SRPX: variants seen among roughly 807,000 people sequenced by gnomAD.
The protein encoded by SRPX is sushi repeat containing protein X-linked.
SRPX carries 24 observed loss-of-function variants against 38.1 expected under a neutral mutation model. That is an observed-to-expected ratio of 0.63 (90% CI 0.46 to 0.89). SRPX has a LOEUF of 0.89. Among genes scored for constraint, SRPX ranks in the 40% least tolerant of loss-of-function variants. The pLI is 0.00. For synonymous variants in SRPX, 184 were observed against 153.8 expected (o/e 1.20, Z -1.45); for missense variants, 416 against 377.8 (o/e 1.10, Z -0.84).
At chrX:38,193,824 A>T (rs1455616096) in intron 1 of SRPX, among the ~76,000 whole-genome samples, 1 of 112,315 alleles carries the variant, frequency 8.9e-6, no homozygotes, top group Non-Finnish European at 1.9e-5. Context: ...AAAGTCAAGC[A>T]ATTAGGATCC....
At chrX:38,201,000 G>A (rs757337158) in intron 1 of SRPX, among the ~76,000 whole-genome samples, 3 of 111,596 alleles carry the variant, frequency 2.7e-5, no homozygotes, top group Non-Finnish European at 3.8e-5. Context: ...TTTACTTAAA[G>A]GAACAAATGT....
chrX:38,206,262 A>C (rs893057056), intron 1 of SRPX, among the ~76,000 whole-genome samples: 4 of 112,318 alleles, frequency 3.6e-5, no homozygotes, highest in African/African-American at 6.5e-5. Flanking sequence ...AGTGTCAGAC[A>C]CAGACACATG....
chrX:38,186,863 A>T (rs1432897996), intron 1 of SRPX, among the ~76,000 whole-genome samples: 6 of 111,872 alleles, frequency 5.4e-5, no homozygotes, highest in African/African-American at 2.0e-4. Flanking sequence ...TATGTTTCTA[A>T]GAACCCTGTG....
intron 2 of SRPX, among the ~76,000 whole-genome samples, chrX:38,177,822 G>A (rs906809435): frequency 5.4e-5 from 6 of 111,817 alleles, no homozygotes; most frequent in African/African-American, 9.8e-5. Context: ...TTAACATACC[G>A]TTTCAGAAGC....
rs777506032 is a variant in SRPX, at chrX:38,171,932, C to T, written c.475G>A (p.Val159Ile). ...PGYTLKGERTVTCMDNKAWSG... is the reference protein window; with the variant it reads ...PGYTLKGERTITCMDNKAWSG... The stretch of plus-strand genomic sequence containing the variant: ...CAGGCCTTGTTGTCCATACATGTGA[C>T]GGTCCGCTCCCCTTTCAACGTGTAT... Residue 159 changes from valine to isoleucine, a missense_variant, in exon 4 of 10, where the codon GTC (valine) becomes ATC (isoleucine). Coordinates refer to ENST00000378533, the MANE Select transcript of SRPX (RefSeq NM_006307.5). 38 of 1,209,792 alleles carry T rather than the reference C, an allele frequency of 3.1e-5. No homozygotes were observed. The Middle Eastern group carries it at 6.9e-4, about 22-fold the overall frequency.
chrX:38,161,773 C>A (rs1221014026), intron 5 of SRPX, among the ~76,000 whole-genome samples: 1 of 111,687 alleles, frequency 9.0e-6, no homozygotes, highest in South Asian at 3.8e-4. Flanking sequence ...AAAGAACTTG[C>A]CCAAGGTCAC....
rs1939171202 is a variant in SRPX at position 38,204,230 on chromosome X, C to T, written c.97+16466G>A. 3.6e-5 allele frequency among the ~76,000 whole-genome samples: 4 copies of T among 111,819 alleles called. No individual in the cohort carries two copies. The Admixed American group carries it at 3.8e-4, about 11-fold the overall frequency. ...ACTAGCAAGGTTTTGCAGATATAAA[C>T]AAACTGATCCTAAAATTTATATGAA... On this transcript the variant is annotated intron_variant, in intron 1 of 9. Transcript: ENST00000378533.
At chrX:38,217,216 G>A (rs947321469) in intron 1 of SRPX, among the ~76,000 whole-genome samples, 1 of 112,810 alleles carries the variant, frequency 8.9e-6, no homozygotes, top group Non-Finnish European at 1.9e-5. Context: ...AAATCTACAA[G>A]AAGAAGAGTG....
chrX:38,160,821 C>T, intron 6 of SRPX, 112 bp downstream of exon 6: 1 of 951,041 alleles, frequency 1.1e-6, no homozygotes, highest in Admixed American at 2.8e-5. Context: ...TAATCTAAAG[C>T]TGGCAAGTCT....
At chrX:38,199,201 T>G (rs1436070262) in intron 1 of SRPX, among the ~76,000 whole-genome samples, 3 of 111,166 alleles carry the variant, frequency 2.7e-5, no homozygotes, top group Admixed American at 9.5e-5. Flanking sequence ...GGTCAGGAGA[T>G]CGAGACCATC....
chrX:38,167,375 G>A lies in SRPX; in HGVS notation c.527-2480C>T, dbSNP rs979475055. On this transcript the variant is annotated intron_variant, in intron 4 of 9. Transcript: ENST00000378533. ...CATGAACCCTTGAAGAGCCTCTGCA[G>A]GACTTGATCCTGACACATCCTCAAG... Among the ~76,000 whole-genome samples, 11 of 111,215 alleles carry A rather than the reference G, an allele frequency of 9.9e-5. No individual in the cohort carries two copies. The Admixed American group carries it at 1.1e-3, about 11-fold the overall frequency.
intron 7 of SRPX, 79 bp from the exon 8 acceptor site, chrX:38,157,108 C>A: frequency 3.6e-6 from 4 of 1,098,965 alleles, no homozygotes; most frequent in Non-Finnish European, 4.9e-6. Flanking sequence ...ACACACAGAA[C>A]CATTTGTGTA....
chrX:38,199,338 G>A (rs1392095277), intron 1 of SRPX, among the ~76,000 whole-genome samples: 3 of 111,454 alleles, frequency 2.7e-5, no homozygotes, highest in Non-Finnish European at 5.7e-5. Context: ...CCCGGGAGGC[G>A]GAGCTTGCAG....
At position 38,164,831 on chromosome X, in the gene SRPX, C is replaced by T. The variant is rs1361478468; in HGVS notation, c.591G>A (p.Leu197=). ...GTGTCTCCCAGGACACCCGGACTGT[C>T]AGTTTGTTGGGTTCTGCAATGCGTT... ...VKERIAEPNK[L]TVRVSWETPE... The change falls in exon 5 of 10, where the codon CTG becomes CTA. Residue 197 remains leucine, a synonymous_variant. Coordinates refer to ENST00000378533, the MANE Select transcript of SRPX (RefSeq NM_006307.5). The T allele has an allele frequency of 1.6e-5, 19 of 1,208,716 alleles. No individual in the cohort carries two copies. Among genetic ancestry groups the T allele is most frequent in the Non-Finnish European group, 2.0e-5 (18 of 894,367 alleles).
chrX:38,175,543 G>C (rs1362202122), intron 2 of SRPX, among the ~76,000 whole-genome samples: 1 of 109,856 alleles, frequency 9.1e-6, no homozygotes, highest in East Asian at 2.8e-4. Context: ...TTAGAAACAG[G>C]GTCTCACTCT....
chrX:38,181,315 T>C (rs1938668188), intron 1 of SRPX, among the ~76,000 whole-genome samples: 1 of 112,399 alleles, frequency 8.9e-6, no homozygotes, highest in African/African-American at 3.2e-5. Context: ...AGGAGGGCTT[T>C]CACATGGGTA....
At chrX:38,153,302 C>CTTTTTTTTTTT (rs58888978) in intron 9 of SRPX, among the ~76,000 whole-genome samples, 22 of 54,734 alleles carry the variant, frequency 4.0e-4, no homozygotes, top group East Asian at 1.1e-3. Flanking sequence ...TTCTTTCTTT[C>CTTTTTTTTTTT]TTTTTTTTTT....
chrX:38,191,561 C>CAT (rs1165766791), intron 1 of SRPX, among the ~76,000 whole-genome samples: 2 of 111,250 alleles, frequency 1.8e-5, no homozygotes, highest in African/African-American at 6.5e-5. Flanking sequence ...CACACACACA[C>CAT]ACACATATAC....
At chrX:38,154,945 G>T (rs45527934) in intron 8 of SRPX, among the ~76,000 whole-genome samples, 6,290 of 110,070 alleles carry the variant, frequency 0.057, 190 homozygotes, top group Middle Eastern at 0.12. Flanking sequence ...ACTATTTCCA[G>T]AGTCCACTTC....
Sources: gnomAD v4.1 joint callset for allele counts (sites outside exome capture counted in the v4.1 genomes callset) on GRCh38, gnomAD v4.1.1 for gene constraint, MANE v1.5 for transcripts, NCBI Gene and HGNC (gene_info 2026-07-23, HGNC 2026-07-21) for gene names.